Variants in ARHGAP26 observed in about 807,000 individuals in gnomAD.
The protein encoded by ARHGAP26 is Rho GTPase activating protein 26.
In ARHGAP26, 38 loss-of-function variants were observed where a neutral mutation model predicts 104.8. The ratio of observed to expected loss-of-function variants is 0.36; its 90% CI spans 0.28 to 0.48. The LOEUF (loss-of-function observed/expected upper bound fraction) is 0.48, where lower values mean the gene tolerates loss of function less well. ARHGAP26 is among the 20% of genes least tolerant of loss of function. ARHGAP26 has a pLI of 0.99. For missense variants in ARHGAP26, 704 were observed against 947.9 expected, an observed-to-expected ratio of 0.74 and a Z score of 3.38; for synonymous variants, 341 against 340.0, an observed-to-expected ratio of 1.00 and a Z score of -0.03.
chr5:143,127,171 G>C (rs543572012), intron 18 of ARHGAP26, among the ~76,000 whole-genome samples: 185 of 152,266 alleles, frequency 1.2e-3, no homozygotes, highest in Non-Finnish European at 2.2e-3. Context: ...CATAGTTTTG[G>C]TTCAACATGA....
chr5:143,044,639 G>A (rs1783969155), intron 14 of ARHGAP26, among the ~76,000 whole-genome samples: 1 of 152,204 alleles, frequency 6.6e-6, no homozygotes, highest in Admixed American at 6.5e-5. Context: ...GACTGAGCAG[G>A]ATTATTGATA....
chr5:143,137,744 G>T (rs555240021), intron 19 of ARHGAP26, among the ~76,000 whole-genome samples: 120 of 152,350 alleles, frequency 7.9e-4, no homozygotes, highest in Non-Finnish European at 1.5e-3. Flanking sequence ...CAGTTGAAAT[G>T]CTTAGTGGGG....
chr5:142,963,352 T>C (rs567292042), intron 11 of ARHGAP26, among the ~76,000 whole-genome samples: 12 of 151,888 alleles, frequency 7.9e-5, no homozygotes, highest in African/African-American at 2.9e-4. Context: ...TAGAATGATA[T>C]ATATTCTTTT....
chr5:142,973,520 C>T lies in ARHGAP26; in HGVS notation c.1108-40560C>T, dbSNP rs115041910. 3.9e-3 allele frequency among the ~76,000 whole-genome samples: 588 copies of T among 152,222 alleles called. 6 individuals are homozygous for T. The highest frequency in any genetic ancestry group is 0.014 in the African/African-American group (568 of 41,512). On this transcript the variant is annotated intron_variant, in intron 11 of 22. Transcript: ENST00000645722. ...GGGAGCGAGAATAGAGAATTTTAACCTTCCATTTTTAAACTTTTCTGTATA... is the reference window on the plus strand; with the variant it reads ...GGGAGCGAGAATAGAGAATTTTAACTTTCCATTTTTAAACTTTTCTGTATA...
intron 11 of ARHGAP26, among the ~76,000 whole-genome samples, chr5:142,942,943 C>T (rs1766588816): frequency 6.6e-6 from 1 of 152,184 alleles, no homozygotes; most frequent in African/African-American, 2.4e-5. Flanking sequence ...CCACACCTGG[C>T]TAATCTTTTG....
chr5:142,950,301 T>A lies in ARHGAP26; in HGVS notation c.1107+18176T>A, dbSNP rs183841924. On this transcript the variant is annotated intron_variant, in intron 11 of 22. Coordinates refer to ENST00000645722, the MANE Select transcript of ARHGAP26 (RefSeq NM_001135608.3). ...CTTCAGTCTCATCATGGGGTTTCCA[T>A]GTTGGATTAAAACTGATTATATTTA... 6.9e-4 allele frequency among the ~76,000 whole-genome samples: 105 copies of A among 152,208 alleles called. 1 individual carries two copies. The highest frequency in any genetic ancestry group is 2.2e-3 in the Admixed American group (33 of 15,294).
chr5:142,838,244 TGA>T (rs1272049335), intron 1 of ARHGAP26, among the ~76,000 whole-genome samples: 1 of 150,476 alleles, frequency 6.6e-6, no homozygotes, highest in Non-Finnish European at 1.5e-5. Flanking sequence ...GGCAAGAGAG[TGA>T]GACTCCATCT....
rs1168382957 is a variant in ARHGAP26 at position 143,009,646 on chromosome 5, ATAAAG to A, written c.1108-4429_1108-4425del. ...TGATTCTTAGATGGACCGTGATAAG[ATAAAG>A]TAAACACATGTAATTTCTCTTCTTC... is the stretch of plus-strand genomic sequence containing the variant. On this transcript the variant is annotated intron_variant, in intron 11 of 22. Transcript: ENST00000645722. 4.6e-5 allele frequency among the ~76,000 whole-genome samples: 7 copies of A among 152,236 alleles called. No individual in the cohort carries two copies. The East Asian group carries it at 7.7e-4, about 17-fold the overall frequency.
intron 1 of ARHGAP26, among the ~76,000 whole-genome samples, chr5:142,808,029 A>G (rs899579080): frequency 1.3e-5 from 2 of 151,892 alleles, no homozygotes; most frequent in African/African-American, 4.8e-5. Context: ...AGGTCAGGAG[A>G]TCGAAACCAT....
At chr5:142,903,943 C>G (rs1760727617) in intron 8 of ARHGAP26, among the ~76,000 whole-genome samples, 1 of 152,110 alleles carries the variant, frequency 6.6e-6, no homozygotes, top group South Asian at 2.1e-4. Flanking sequence ...CTTGGGGTTC[C>G]TGTACCCCTA....
chr5:142,802,218 T>C (rs368867918), intron 1 of ARHGAP26, among the ~76,000 whole-genome samples: 3 of 152,256 alleles, frequency 2.0e-5, no homozygotes, highest in African/African-American at 7.2e-5. Context: ...TGGAAGTTGA[T>C]GTTTTTCAGA....
At chr5:142,796,483 T>C (rs1047445911) in intron 1 of ARHGAP26, among the ~76,000 whole-genome samples, 2 of 152,352 alleles carry the variant, frequency 1.3e-5, no homozygotes, top group East Asian at 1.9e-4. Flanking sequence ...TTCCCACATA[T>C]ATTTCCTAAA....
At chr5:143,067,355 T>C (rs897994585) in intron 17 of ARHGAP26, among the ~76,000 whole-genome samples, 2 of 152,200 alleles carry the variant, frequency 1.3e-5, no homozygotes, top group Admixed American at 6.5e-5. Flanking sequence ...CTGGGAGCAG[T>C]CTTCACATGG....
intron 10 of ARHGAP26, among the ~76,000 whole-genome samples, chr5:142,920,238 A>C (rs1351021913): frequency 6.6e-6 from 1 of 152,228 alleles, no homozygotes; most frequent in Non-Finnish European, 1.5e-5. Flanking sequence ...TGGTAGCAGG[A>C]TGTGAATCGG....
intron 1 of ARHGAP26, among the ~76,000 whole-genome samples, chr5:142,810,365 G>T (rs905493619): frequency 2.6e-5 from 4 of 152,184 alleles, no homozygotes; most frequent in Non-Finnish European, 5.9e-5. Context: ...ATCAAAGAGA[G>T]CTCTGTGTTA....
At chr5:143,090,771 G>T (rs780531082) in intron 17 of ARHGAP26, among the ~76,000 whole-genome samples, 22 of 152,218 alleles carry the variant, frequency 1.4e-4, no homozygotes, top group Non-Finnish European at 2.5e-4. Flanking sequence ...TTGCTCTTTA[G>T]TGGTCCGCAG....
At chr5:142,808,141 G>A (rs965479729) in intron 1 of ARHGAP26, among the ~76,000 whole-genome samples, 6 of 149,254 alleles carry the variant, frequency 4.0e-5, no homozygotes, top group Non-Finnish European at 7.4e-5. Context: ...AGGCTGAGGC[G>A]GGAGAATGGC....
intron 21 of ARHGAP26, among the ~76,000 whole-genome samples, chr5:143,213,771 G>C (rs1562624282): frequency 6.6e-6 from 1 of 152,156 alleles, no homozygotes; most frequent in Non-Finnish European, 1.5e-5. Context: ...CCCACAAAAA[G>C]TGTAGTTTCT....
chr5:142,835,767 T>C (rs1009361036), intron 1 of ARHGAP26, among the ~76,000 whole-genome samples: 3 of 152,208 alleles, frequency 2.0e-5, no homozygotes, highest in Admixed American at 1.3e-4. Context: ...TGATACATAA[T>C]AAAAACCCAA....
Sources: allele counts gnomAD v4.1 joint callset (sites outside exome capture counted in the v4.1 genomes callset), GRCh38; gene constraint gnomAD v4.1.1; transcripts MANE v1.5; gene names NCBI Gene and HGNC (gene_info 2026-07-23, HGNC 2026-07-21).